Variants in OCA2 observed in about 807,000 individuals in gnomAD.
OCA2 encodes OCA2 melanosomal transmembrane protein.
OCA2 carries 77 observed loss-of-function variants against 100.2 expected under a neutral mutation model. That is an observed-to-expected ratio of 0.77 (90% CI 0.64 to 0.93). The LOEUF (loss-of-function observed/expected upper bound fraction) is 0.93. Among genes scored for constraint, OCA2 ranks in the 40% least tolerant of loss-of-function variants. The pLI is 0.00. For missense variants in OCA2, 1,062 were observed against 1,089.1 expected, an observed-to-expected ratio of 0.98 and a Z score of 0.35; for synonymous variants, 432 against 439.2, an observed-to-expected ratio of 0.98 and a Z score of 0.21.
chr15:28,032,264 G>A, intron 2 of OCA2, 101 bp from the exon 3 acceptor site: 1 of 938,836 alleles, frequency 1.1e-6, no homozygotes, highest in Non-Finnish European at 1.7e-6. Flanking sequence ...AAGATTCAGT[G>A]ATAAATCTTA....
At chr15:27,814,882 C>CGA (rs2034218974) in intron 23 of OCA2, among the ~76,000 whole-genome samples, 1 of 136,576 alleles carries the variant, frequency 7.3e-6, no homozygotes, top group African/African-American at 2.8e-5. Flanking sequence ...GATTCTCTCT[C>CGA]TATAGATAGA....
intron 2 of OCA2, among the ~76,000 whole-genome samples, chr15:28,034,016 G>A (rs2042980174): frequency 2.0e-5 from 3 of 152,182 alleles, no homozygotes; most frequent in Non-Finnish European, 4.4e-5. Context: ...AGAAAACAAG[G>A]CCAAGCATGG....
At chr15:27,765,186 T>C (rs977787269) in intron 23 of OCA2, among the ~76,000 whole-genome samples, 6 of 152,252 alleles carry the variant, frequency 3.9e-5, no homozygotes, top group Admixed American at 3.9e-4. Context: ...ATCTCAGCAC[T>C]GACTGAGTGC....
intron 15 of OCA2, 145 bp downstream of exon 15, chr15:27,966,545 T>C (rs1024025590): frequency 1.2e-6 from 1 of 830,282 alleles, no homozygotes; most frequent in Non-Finnish European, 2.0e-6. Context: ...AAACAGTGTA[T>C]ACTAGAAGGT....
At chr15:27,792,599 C>T (rs887133120) in intron 23 of OCA2, among the ~76,000 whole-genome samples, 3 of 152,158 alleles carry the variant, frequency 2.0e-5, no homozygotes, top group African/African-American at 2.4e-5. Flanking sequence ...CATAACTTTC[C>T]GAGACGTGCA....
rs1595599038 is a variant in OCA2 at position 27,897,458 on chromosome 15, C to T, written c.2080-25536G>A. 3.3e-5 allele frequency among the ~76,000 whole-genome samples: 5 copies of T among 152,162 alleles called. No individual in the cohort carries two copies. The South Asian group carries it at 1.0e-3, about 32-fold the overall frequency. The stretch of plus-strand genomic sequence containing the variant: ...GGCTAAAAGGAGCCAAGGCAGAGCT[C>T]GGGCTGTTGCTTCAGACAGTGGAAG... On this transcript the variant is annotated intron_variant, in intron 19 of 23. Transcript: ENST00000354638.
intron 23 of OCA2, among the ~76,000 whole-genome samples, chr15:27,841,733 G>A (rs1408841334): frequency 3.3e-5 from 5 of 152,174 alleles, no homozygotes; most frequent in Non-Finnish European, 5.9e-5. Context: ...AGAGAAAGAC[G>A]AAGGCAAAGG....
intron 23 of OCA2, chr15:27,776,801 G>T (rs1020541464): frequency 6.6e-6 from 1 of 152,234 alleles, no homozygotes; most frequent in African/African-American, 2.4e-5. Context: ...CAGTCTCGGA[G>T]CAGAGGTCTC....
At chr15:27,719,459 G>A in the OCA2 span, among the ~76,000 whole-genome samples, 10 of 152,024 alleles carry the variant, frequency 6.6e-5, no homozygotes, top group African/African-American at 2.2e-4. Flanking sequence ...TTCAACATAC[G>A]AACTTGCGGG....
At chr15:27,726,749 T>TAATAAAATAA in the OCA2 span, among the ~76,000 whole-genome samples, 2 of 152,118 alleles carry the variant, frequency 1.3e-5, no homozygotes, top group South Asian at 4.1e-4. Context: ...ACTTAAAGTA[T>TAATAAAATAA]AATAAAATAA....
At chr15:27,960,703 G>A (rs2040380607) in intron 15 of OCA2, among the ~76,000 whole-genome samples, 2 of 152,154 alleles carry the variant, frequency 1.3e-5, no homozygotes, top group Admixed American at 1.3e-4. Flanking sequence ...GGGAGTTCGA[G>A]GCCAGCCTGG....
intron 19 of OCA2, among the ~76,000 whole-genome samples, chr15:27,873,565 G>A (rs781088888): frequency 1.2e-4 from 19 of 152,164 alleles, no homozygotes; most frequent in Non-Finnish European, 2.5e-4. Context: ...AATAGAGATG[G>A]TTGTGTGTGT....
chr15:27,915,048 A>G (rs2038611703), intron 19 of OCA2, among the ~76,000 whole-genome samples: 1 of 152,078 alleles, frequency 6.6e-6, no homozygotes, highest in Admixed American at 6.6e-5. Context: ...TAGAGGACCC[A>G]GAAATAACAC....
intron 18 of OCA2, among the ~76,000 whole-genome samples, chr15:27,927,784 C>CTTTTTTTTT (rs34037519): frequency 8.7e-5 from 6 of 69,358 alleles, no homozygotes; most frequent in Non-Finnish European, 1.3e-4. Flanking sequence ...CTTTGAGCAT[C>CTTTTTTTTT]TTTTTTTTTT....
chr15:28,042,826 A>G (rs1254810786), intron 2 of OCA2, among the ~76,000 whole-genome samples: 1 of 152,180 alleles, frequency 6.6e-6, no homozygotes, highest in South Asian at 2.1e-4. Flanking sequence ...TGCAGTCTTT[A>G]CAAGTGAAAA....
At chr15:27,951,068 T>C (rs1198005538) in intron 18 of OCA2, among the ~76,000 whole-genome samples, 1 of 152,124 alleles carries the variant, frequency 6.6e-6, no homozygotes, top group Non-Finnish European at 1.5e-5. Context: ...CCAATGGAGA[T>C]AACTGTGAAA....
chr15:27,869,724 C>T (rs1324489145), intron 21 of OCA2, among the ~76,000 whole-genome samples: 2 of 152,156 alleles, frequency 1.3e-5, no homozygotes, highest in Non-Finnish European at 1.5e-5. Flanking sequence ...GCGCTCGGTC[C>T]GCAACTGTGG....
At chr15:28,060,172 T>G (rs966292475) in intron 2 of OCA2, among the ~76,000 whole-genome samples, 2 of 152,106 alleles carry the variant, frequency 1.3e-5, no homozygotes, top group Non-Finnish European at 2.9e-5. Flanking sequence ...CTGAGGCAGG[T>G]GGGAAGTGTA....
At chr15:28,086,483 C>T (rs1278525020) in intron 1 of OCA2, among the ~76,000 whole-genome samples, 4 of 152,118 alleles carry the variant, frequency 2.6e-5, no homozygotes, top group African/African-American at 7.2e-5. Flanking sequence ...CTTCTGCTGG[C>T]GTGGTGTCAA....
Sources: gnomAD v4.1 joint callset for allele counts (sites outside exome capture counted in the v4.1 genomes callset) on GRCh38, gnomAD v4.1.1 for gene constraint, MANE v1.5 for transcripts, NCBI Gene and HGNC (gene_info 2026-07-23, HGNC 2026-07-21) for gene names.